Variants in NRDC observed in about 807,000 individuals in gnomAD.
NRDC encodes the protein nardilysin.
Under a neutral mutation model 147.1 loss-of-function variants are expected in NRDC, and 54 were observed. The ratio of observed to expected loss-of-function variants is 0.37; its 90% CI spans 0.29 to 0.46. The LOEUF (loss-of-function observed/expected upper bound fraction) is 0.46. Among genes scored for constraint, NRDC ranks in the 20% least tolerant of loss-of-function variants. The pLI is 1.00. For missense variants in NRDC, 1,082 were observed against 1,370.6 expected, an observed-to-expected ratio of 0.79 and a Z score of 3.33; for synonymous variants, 440 against 482.1, an observed-to-expected ratio of 0.91 and a Z score of 1.14.
chr1:51,804,786 T>C (rs938732807), intron 19 of NRDC, among the ~76,000 whole-genome samples: 2 of 151,798 alleles, frequency 1.3e-5, no homozygotes, highest in Non-Finnish European at 2.9e-5. Flanking sequence ...TTCCCAAGTA[T>C]CTGCTACATT....
chr1:51,814,194 G>A, intron 13 of NRDC, 105 bp from the exon 14 acceptor site: 2 of 694,816 alleles, frequency 2.9e-6, no homozygotes, highest in South Asian at 1.8e-5. Flanking sequence ...CTATTGGGTA[G>A]TAGGCTTAGT....
At chr1:51,835,369 G>A (rs965633443) in intron 3 of NRDC, among the ~76,000 whole-genome samples, 4 of 150,698 alleles carry the variant, frequency 2.7e-5, no homozygotes, top group Non-Finnish European at 4.4e-5. Flanking sequence ...CCCCGTGTAA[G>A]TTTTATTTAG....
rs116992992 is a variant in NRDC at position 51,878,447 on chromosome 1, T to G, written c.169A>C (p.Lys57Gln). 1 of 1,614,068 alleles carries G rather than the reference T, an allele frequency of 6.2e-7. No individual in the cohort carries two copies. The highest frequency in any genetic ancestry group is 2.2e-5 in the East Asian group (1 of 44,866). The part of the protein sequence containing the change: ...ILAMPGRNKA[K>Q]STCSCPDLQP... ...AGGTCAGGGCAGCTGCAGGTAGACT[T>G]CGCCTTGTTCCTTCCAGGCATGGCC... Residue 57 changes from lysine to glutamine, a missense_variant, in exon 1 of 31, where the codon AAG becomes CAG. By Grantham distance (53) the Lys-to-Gln change is moderately conservative (BLOSUM62 1). Coordinates refer to ENST00000352171, the MANE Select transcript of NRDC (RefSeq NM_001101662.2).
At chr1:51,813,296 TAC>T (rs1033958472) in intron 14 of NRDC, among the ~76,000 whole-genome samples, 5 of 152,202 alleles carry the variant, frequency 3.3e-5, no homozygotes, top group Non-Finnish European at 5.9e-5. Context: ...AGCACCCAGA[TAC>T]ACAGACTCTT....
chr1:51,840,391 A>T lies in NRDC; in HGVS notation c.465T>A (p.Asp155Glu). 1 of 1,536,276 alleles carries T rather than the reference A, an allele frequency of 6.5e-7. No individual in the cohort carries two copies. Among genetic ancestry groups the T allele is most frequent in the Non-Finnish European group, 9.0e-7 (1 of 1,109,706 alleles). The change falls in exon 2 of 31, where the codon GAT becomes GAA. Residue 155 changes from aspartate to glutamate, a missense_variant. By Grantham distance (45) the Asp-to-Glu change is conservative. Transcript: ENST00000352171. ...EEEEVEEEEE[D>E]DDEDSGAEIE... is the part of the protein sequence containing the mutation. ...TTTCAGCTCCAGAATCTTCATCATC[A>T]TCTTCTTCTTCTTCCTCCACCTCCT...
At chr1:51,873,935 T>C (rs1178495131) in intron 1 of NRDC, among the ~76,000 whole-genome samples, 3 of 151,342 alleles carry the variant, frequency 2.0e-5, no homozygotes, top group East Asian at 4.0e-4. Flanking sequence ...ACACCTGTAA[T>C]CCCAGCACTT....
chr1:51,817,358 A>G (rs934440563), intron 10 of NRDC, among the ~76,000 whole-genome samples: 3 of 124,990 alleles, frequency 2.4e-5, no homozygotes, highest in Non-Finnish European at 4.8e-5. Context: ...ATTTATTTCT[A>G]ACTGGAAAAG....
chr1:51,820,679 T>C (rs1429742248), intron 8 of NRDC, among the ~76,000 whole-genome samples: 1 of 152,176 alleles, frequency 6.6e-6, no homozygotes, highest in African/African-American at 2.4e-5. Flanking sequence ...AAATTAATAA[T>C]AACCAATCAG....
At chr1:51,877,963 T>C (rs1209085977) in intron 1 of NRDC, 15 of 1,166,464 alleles carry the variant, frequency 1.3e-5, no homozygotes, top group Non-Finnish European at 1.6e-5. Context: ...CCTGGTAACA[T>C]AATACCAAGA....
intron 1 of NRDC, among the ~76,000 whole-genome samples, chr1:51,847,034 G>A (rs972515926): frequency 2.0e-5 from 3 of 148,484 alleles, no homozygotes; most frequent in East Asian, 2.0e-4. Flanking sequence ...ACAGAGTGCC[G>A]ATTGGTGCAT....
Position 51,840,525 on chromosome 1 carries a change from A to T in NRDC, c.342-11T>A. ...TGTAATTTGATGTATCTGGGGGGAG[A>T]AAAAAAAAATCACACATTTTGATTC... On this transcript the variant is annotated splice_polypyrimidine_tract_variant and intron_variant, in intron 1 of 30. Transcript: ENST00000352171. The T allele has an allele frequency of 7.2e-7, 1 of 1,394,996 alleles. No homozygotes were observed. The highest frequency in any genetic ancestry group is 9.6e-7 in the Non-Finnish European group (1 of 1,038,700). The allele number at this position is 1,394,996 out of a possible 1,614,324, so 86.4% of individuals were successfully genotyped here.
At chr1:51,844,887 A>ACC (rs1681476089) in intron 1 of NRDC, among the ~76,000 whole-genome samples, 1 of 140,994 alleles carries the variant, frequency 7.1e-6, no homozygotes, top group East Asian at 2.1e-4. Flanking sequence ...GGAAGGAAGG[A>ACC]AACCAAATAG....
At chr1:51,805,855 C>T (rs979091860) in intron 18 of NRDC, among the ~76,000 whole-genome samples, 1 of 152,138 alleles carries the variant, frequency 6.6e-6, no homozygotes, top group African/African-American at 2.4e-5. Context: ...TTTTAGAGGA[C>T]AGATGCTAAG....
chr1:51,872,337 T>TAC lies in NRDC; in HGVS notation c.341+5936_341+5937dup, dbSNP rs367568781. Among the ~76,000 whole-genome samples the TAC allele has an allele frequency of 9.7e-3, 1,465 of 151,576 alleles. 24 individuals are homozygous for TAC. The highest frequency in any genetic ancestry group is 0.033 in the African/African-American group (1,370 of 41,338). On this transcript the variant is annotated intron_variant, in intron 1 of 30. Transcript: ENST00000352171. ...CTTATTTTCCTAAAACACACAGACA[T>TAC]ACACACACACACACAACTTCAGTTA...
At chr1:51,868,986 C>T (rs989873776) in intron 1 of NRDC, among the ~76,000 whole-genome samples, 1 of 152,192 alleles carries the variant, frequency 6.6e-6, no homozygotes, top group Non-Finnish European at 1.5e-5. Flanking sequence ...GTTGCCCACA[C>T]TGGAGTGTAC....
chr1:51,878,254 AT>A lies in NRDC; in HGVS notation c.341+20del, dbSNP rs1259672000. 1 of 1,597,434 alleles carries A rather than the reference AT, an allele frequency of 6.3e-7. No homozygotes were observed. Among genetic ancestry groups the A allele is most frequent in the Non-Finnish European group, 8.6e-7 (1 of 1,168,606 alleles). On this transcript the variant is annotated intron_variant, in intron 1 of 30. Transcript: ENST00000352171. ...AAGCCGGCACACTGTTCGCCTCCCCATTGCAAGCCTCCTCCCTCACCGGTAT... is the reference window on the plus strand; with the variant it reads ...AAGCCGGCACACTGTTCGCCTCCCCATGCAAGCCTCCTCCCTCACCGGTAT...
Position 51,806,805 on chromosome 1 carries a change from T to C in NRDC, c.2099A>G (p.Lys700Arg), listed in dbSNP as rs1392556890. 2 of 1,613,498 alleles carry C rather than the reference T, an allele frequency of 1.2e-6. No individual in the cohort carries two copies. The change falls in exon 18 of 31, where the codon AAA (lysine) becomes AGA (arginine). Residue 700 changes from lysine to arginine, a missense_variant. Lys to Arg is a conservative substitution (Grantham distance 26, BLOSUM62 2). Transcript: ENST00000352171. Reference sequence around the variant, plus strand: ...GGGCAACATTTTACCTTTGGGGATTTTGAATTTGTTGTCTTTCTTATACCA... The same window carrying C: ...GGGCAACATTTTACCTTTGGGGATTCTGAATTTGTTGTCTTTCTTATACCA... ...CLWYKKDNKF[K>R]IPKAYIRFHL... is the part of the protein sequence containing the mutation.
chr1:51,800,634 G>A lies in NRDC; in HGVS notation c.2363C>T (p.Pro788Leu), dbSNP rs1354457976. ...IDYLAEFNST[P>L]AVFTMITEQL... is the part of the protein sequence containing the mutation. ...CTCAGTTATCATTGTAAAGACAGCT[G>A]GTGTGGAATTGAACTCAGCTAAGTA... The change falls in exon 21 of 31, where the codon CCA (proline) becomes CTA (leucine). Residue 788 changes from proline (P) to leucine (L), a missense_variant. Physicochemically the swap from Pro to Leu is moderately conservative, Grantham distance 98. Transcript: ENST00000352171. The A allele has an allele frequency of 1.2e-6, 2 of 1,613,802 alleles. No individual in the cohort carries two copies. The highest frequency in any genetic ancestry group is 1.7e-6 in the Non-Finnish European group (2 of 1,179,812).
chr1:51,806,195 C>G (rs912029042), intron 18 of NRDC, among the ~76,000 whole-genome samples: 2 of 151,784 alleles, frequency 1.3e-5, no homozygotes, highest in African/African-American at 4.8e-5. Flanking sequence ...CTACTTAACT[C>G]TATACTATGC....
Sources: allele counts gnomAD v4.1 joint callset (sites outside exome capture counted in the v4.1 genomes callset), GRCh38; gene constraint gnomAD v4.1.1; transcripts MANE v1.5; gene names NCBI Gene and HGNC (gene_info 2026-07-23, HGNC 2026-07-21).